The following PRH1 variants were observed in gnomAD, a reference collection of about 807,000 sequenced individuals.
PRH1 encodes the protein proline rich protein HaeIII subfamily 1, also known as salivary acidic proline-rich phosphoprotein 1/2.
A neutral mutation model predicts 7.9 loss-of-function variants in PRH1; 7 were observed. That is an observed-to-expected ratio of 0.89 (90% CI 0.50 to 1.67). The LOEUF (loss-of-function observed/expected upper bound fraction) is 1.67. Among genes scored for constraint, PRH1 ranks in the 40% most tolerant of loss-of-function variants. The pLI is 0.00. For missense variants in PRH1, 109 were observed against 223.6 expected (o/e 0.49, Z 3.27); for synonymous variants, 45 against 80.8 (o/e 0.56, Z 2.38).
intron 2 of PRH1, among the ~76,000 whole-genome samples, chr12:10,970,551 A>G (rs1318165216): frequency 6.7e-6 from 1 of 148,540 alleles, no homozygotes; most frequent in African/African-American, 2.5e-5. Context: ...AAAATTAAAG[A>G]AAAGTTTTTT....
At chr12:10,997,728 C>G in intron 1 of PRH1, 1 of 1,613,902 alleles carries the variant, frequency 6.2e-7, no homozygotes, top group Admixed American at 1.7e-5. Context: ...ACTGCCAGAG[C>G]AGCAATAATT....
Position 10,956,069 on chromosome 12 carries a change from C to A in PRH1, c.-59+17586G>T, listed in dbSNP as rs796578761. The stretch of plus-strand genomic sequence containing the variant: ...AAAACTGAGGAAAAGAAACTCCACG[C>A]TAACTCATTCTACAAGGCTAATATC... On this transcript the variant is annotated intron_variant, in intron 2 of 3. Coordinates refer to the PRH1 transcript ENST00000539853. Among the ~76,000 whole-genome samples the A allele has an allele frequency of 5.9e-5, 9 of 152,264 alleles. 1 individual carries two copies. Among genetic ancestry groups the A allele is most frequent in the African/African-American group, 2.2e-4 (9 of 41,568 alleles).
intron 1 of PRH1, among the ~76,000 whole-genome samples, chr12:10,982,038 GCCCATGTCCAA>G (rs1306283891): frequency 6.6e-6 from 1 of 151,918 alleles, no homozygotes; most frequent in Non-Finnish European, 1.5e-5. Context: ...TAGAGCTTTG[GCCCATGTCCAA>G]CCCAAAGGGG....
chr12:11,062,252 C>A (rs774770069), intron 1 of PRH1: 3 of 1,612,984 alleles, frequency 1.9e-6, no homozygotes, highest in Non-Finnish European at 2.5e-6. Context: ...ACAAATGTAA[C>A]CACTATTAGA....
chr12:11,035,024 T>A (rs1259004907), intron 1 of PRH1: 3 of 152,092 alleles, frequency 2.0e-5, no homozygotes, highest in African/African-American at 7.2e-5. Flanking sequence ...ACTCTAGCTT[T>A]ATTTTTGTCT....
chr12:10,984,573 CA>C (rs1939511131), intron 1 of PRH1, among the ~76,000 whole-genome samples: 1 of 152,014 alleles, frequency 6.6e-6, no homozygotes. Flanking sequence ...CAACAGTAAG[CA>C]AGATCTATAT....
At chr12:10,915,835 C>T (rs1260714621) in intron 2 of PRH1, among the ~76,000 whole-genome samples, 2 of 152,160 alleles carry the variant, frequency 1.3e-5, no homozygotes, top group Non-Finnish European at 2.9e-5. Flanking sequence ...ATCCCCATCG[C>T]GTTCCCTCGG....
At chr12:11,102,921 G>C (rs1214477921) in intron 1 of PRH1, among the ~76,000 whole-genome samples, 11 of 152,204 alleles carry the variant, frequency 7.2e-5, no homozygotes, top group Admixed American at 6.5e-5. Context: ...CATTTATGCA[G>C]CTAAAAGACA....
chr12:11,070,070 C>T (rs547083043), intron 1 of PRH1, among the ~76,000 whole-genome samples: 4 of 152,256 alleles, frequency 2.6e-5, no homozygotes, highest in South Asian at 4.1e-4. Flanking sequence ...GCTCCCACCA[C>T]CCACAAGGAA....
intron 2 of PRH1, among the ~76,000 whole-genome samples, chr12:10,924,756 C>T (rs375672763): frequency 6.6e-6 from 1 of 152,096 alleles, no homozygotes; most frequent in Admixed American, 6.6e-5. Context: ...AGGAATGTAT[C>T]CATTTCTTCT....
chr12:10,896,082 G>A (rs568616297), intron 2 of PRH1, among the ~76,000 whole-genome samples: 4 of 152,190 alleles, frequency 2.6e-5, no homozygotes, highest in African/African-American at 9.6e-5. Context: ...TTCCCTTGAG[G>A]GTATCAGCTA....
At chr12:10,980,225 C>A (rs1383415299) in intron 1 of PRH1, among the ~76,000 whole-genome samples, 1 of 152,116 alleles carries the variant, frequency 6.6e-6, no homozygotes, top group Non-Finnish European at 1.5e-5. Context: ...AACTTAAGAA[C>A]TATGATTACT....
At chr12:10,902,406 G>A (rs1237154912) in intron 2 of PRH1, among the ~76,000 whole-genome samples, 2 of 152,134 alleles carry the variant, frequency 1.3e-5, no homozygotes, top group East Asian at 3.9e-4. Context: ...TGGCATTCCT[G>A]AGAAAGAAGG....
chr12:11,081,921 T>G (rs913255421), intron 1 of PRH1, among the ~76,000 whole-genome samples: 1 of 117,558 alleles, frequency 8.5e-6, no homozygotes, highest in African/African-American at 2.8e-5. Flanking sequence ...GCAATTTTAT[T>G]TATACTAAAA....
upstream of PRH1, among the ~76,000 whole-genome samples, chr12:10,885,045 G>A (rs887577021): frequency 3.9e-5 from 6 of 152,186 alleles, no homozygotes; most frequent in Non-Finnish European, 5.9e-5. Context: ...TGAGCCACAC[G>A]ATGTCATATA....
At chr12:11,000,070 TG>T (rs773097353) in intron 1 of PRH1, among the ~76,000 whole-genome samples, 17 of 152,114 alleles carry the variant, frequency 1.1e-4, no homozygotes, top group Non-Finnish European at 1.9e-4. Flanking sequence ...ATTCCTATTA[TG>T]GGGTCATTAA....
At chr12:11,014,526 T>C (rs1397095882) in intron 1 of PRH1, among the ~76,000 whole-genome samples, 1 of 152,028 alleles carries the variant, frequency 6.6e-6, no homozygotes, top group Non-Finnish European at 1.5e-5. Context: ...CTTTGAAAAA[T>C]ACTTATAAAC....
chr12:10,884,321 A>T, upstream of PRH1: 1 of 1,465,772 alleles, frequency 6.8e-7, no homozygotes, highest in Non-Finnish European at 9.5e-7. Context: ...GCTCCCTACC[A>T]GGTGGGCCTC....
intron 1 of PRH1, among the ~76,000 whole-genome samples, chr12:11,001,426 T>C (rs1591794903): frequency 6.6e-6 from 1 of 152,148 alleles, no homozygotes; most frequent in African/African-American, 2.4e-5. Context: ...ATTTATTTAG[T>C]CCTAAAATTC....
Sources: allele counts gnomAD v4.1 joint callset (sites outside exome capture counted in the v4.1 genomes callset), GRCh38; gene constraint gnomAD v4.1.1; transcripts MANE v1.5; gene names NCBI Gene and HGNC (gene_info 2026-07-23, HGNC 2026-07-21).